The following MRTFA variants were observed in gnomAD, a reference collection of about 807,000 sequenced individuals.
The protein encoded by MRTFA is myocardin-related transcription factor A.
A neutral mutation model predicts 83.5 loss-of-function variants in MRTFA; 20 were observed. The ratio of observed to expected loss-of-function variants is 0.24; its 90% CI spans 0.17 to 0.35. MRTFA has a LOEUF of 0.35. MRTFA is among the 10% of genes least tolerant of loss of function. The pLI, the probability that MRTFA is intolerant of heterozygous loss-of-function variation, is 1.00. For missense variants in MRTFA, 1,200 were observed against 1,224.7 expected, an observed-to-expected ratio of 0.98 and a Z score of 0.30; for synonymous variants, 659 against 541.2, an observed-to-expected ratio of 1.22 and a Z score of -3.02.
intron 1 of MRTFA, among the ~76,000 whole-genome samples, chr22:40,628,776 G>A (rs2056608688): frequency 6.6e-6 from 1 of 152,192 alleles, no homozygotes; most frequent in Non-Finnish European, 1.5e-5. Flanking sequence ...TCAGCCCCTG[G>A]ACTGTTGTGG....
intron 2 of MRTFA, among the ~76,000 whole-genome samples, chr22:40,557,079 T>G (rs1004880051): frequency 3.3e-5 from 5 of 152,218 alleles, no homozygotes; most frequent in African/African-American, 1.2e-4. Flanking sequence ...AATAACTCTG[T>G]ATGCAGTAGA....
intron 12 of MRTFA, among the ~76,000 whole-genome samples, chr22:40,418,117 C>T (rs1330803970): frequency 6.6e-6 from 1 of 152,212 alleles, no homozygotes; most frequent in Non-Finnish European, 1.5e-5. Context: ...AGGAGTCCTG[C>T]TGCTGAGGTG....
chr22:40,463,804 G>A (rs1054338627), intron 3 of MRTFA, among the ~76,000 whole-genome samples: 1 of 151,988 alleles, frequency 6.6e-6, no homozygotes, highest in Non-Finnish European at 1.5e-5. Context: ...CCTTTTTCTA[G>A]CCTAGAAAAT....
At chr22:40,481,786 C>T (rs1010806848) in intron 3 of MRTFA, among the ~76,000 whole-genome samples, 8 of 152,026 alleles carry the variant, frequency 5.3e-5, no homozygotes, top group South Asian at 2.1e-4. Context: ...TCTGACCAGG[C>T]GCGGTGGCTC....
intron 12 of MRTFA, among the ~76,000 whole-genome samples, 193 bp downstream of exon 12, chr22:40,418,181 C>A (rs139548670): frequency 3.9e-5 from 6 of 152,200 alleles, no homozygotes; most frequent in African/African-American, 1.4e-4. Context: ...CCAATGGCTC[C>A]GCCCTACAGC....
At chr22:40,626,522 A>G (rs2056584143) in intron 1 of MRTFA, among the ~76,000 whole-genome samples, 1 of 152,060 alleles carries the variant, frequency 6.6e-6, no homozygotes, top group African/African-American at 2.4e-5. Context: ...TGAACCTCTA[A>G]GCTCAAGCAA....
intron 14 of MRTFA, among the ~76,000 whole-genome samples, chr22:40,413,922 AAAT>A (rs1396729853): frequency 6.6e-6 from 1 of 152,214 alleles, no homozygotes. Context: ...AAAAAATTGA[AAAT>A]AAGAAGTGCT....
intron 1 of MRTFA, among the ~76,000 whole-genome samples, chr22:40,615,690 T>TTC (rs1869769841): frequency 6.6e-6 from 1 of 151,540 alleles, no homozygotes; most frequent in Admixed American, 6.6e-5. Context: ...TCTTTTCTTT[T>TTC]TTTTTTTTTT....
intron 3 of MRTFA, among the ~76,000 whole-genome samples, chr22:40,485,112 T>G (rs2147191568): frequency 6.6e-6 from 1 of 151,708 alleles, no homozygotes; most frequent in South Asian, 2.1e-4. Flanking sequence ...AGTGATCAAA[T>G]AATTCCTCCA....
chr22:40,516,335 A>T (rs1033084496), intron 3 of MRTFA, among the ~76,000 whole-genome samples: 1 of 149,950 alleles, frequency 6.7e-6, no homozygotes, highest in Admixed American at 6.8e-5. Flanking sequence ...CAGGAGAATC[A>T]CTTGAACCTG....
chr22:40,420,678 G>A, intron 10 of MRTFA, 102 bp from the exon 11 acceptor site: 1 of 1,543,264 alleles, frequency 6.5e-7, no homozygotes, highest in Non-Finnish European at 8.7e-7. Context: ...GATGGGCATG[G>A]GGCAAGGGCC....
chr22:40,469,962 G>A (rs887196020), intron 3 of MRTFA, among the ~76,000 whole-genome samples: 5 of 151,578 alleles, frequency 3.3e-5, no homozygotes, highest in Non-Finnish European at 7.4e-5. Flanking sequence ...AGTGGCTCAC[G>A]CCTGTAATCC....
At chr22:40,427,985 G>A (rs1297290156) in intron 7 of MRTFA, among the ~76,000 whole-genome samples, 2 of 152,152 alleles carry the variant, frequency 1.3e-5, no homozygotes, top group Non-Finnish European at 2.9e-5. Flanking sequence ...GGAGAGGGCA[G>A]GGAAGTTCCA....
chr22:40,502,363 C>T (rs1270882743), intron 3 of MRTFA, among the ~76,000 whole-genome samples: 112 of 111,034 alleles, frequency 1.0e-3, no homozygotes, highest in African/African-American at 3.8e-3. Context: ...CGGGCAGAGA[C>T]GCTCCTCACC....
intron 3 of MRTFA, among the ~76,000 whole-genome samples, chr22:40,514,679 C>T (rs1175165992): frequency 2.0e-5 from 3 of 151,420 alleles, no homozygotes; most frequent in Non-Finnish European, 4.4e-5. Flanking sequence ...AGGGTTTCAC[C>T]ATGTTAGCCA....
intron 3 of MRTFA, among the ~76,000 whole-genome samples, chr22:40,485,312 T>C (rs564670623): frequency 6.6e-6 from 1 of 152,340 alleles, no homozygotes; most frequent in African/African-American, 2.4e-5. Context: ...ATGAATTTGA[T>C]TTGTTTTACA....
At chr22:40,424,114 G>A (rs757896322) in intron 8 of MRTFA, 92 bp downstream of exon 8, 2 of 1,353,928 alleles carry the variant, frequency 1.5e-6, no homozygotes, top group Non-Finnish European at 2.0e-6. Context: ...CTGTGCCAGA[G>A]CAGGAGGCAT....
At chr22:40,619,282 T>A (rs2056490900) in intron 1 of MRTFA, among the ~76,000 whole-genome samples, 1 of 152,190 alleles carries the variant, frequency 6.6e-6, no homozygotes, top group Non-Finnish European at 1.5e-5. Flanking sequence ...AGAGAAAATC[T>A]GTGTTGTTGT....
intron 3 of MRTFA, chr22:40,526,654 A>G (rs2054979456): frequency 6.6e-6 from 1 of 152,192 alleles, no homozygotes; most frequent in Admixed American, 6.5e-5. Context: ...TTTTAAATGG[A>G]TAATGTAATC....
Sources: allele counts gnomAD v4.1 joint callset (sites outside exome capture counted in the v4.1 genomes callset), GRCh38; gene constraint gnomAD v4.1.1; transcripts MANE v1.5; gene names NCBI Gene and HGNC (gene_info 2026-07-23, HGNC 2026-07-21).